Variants in OPHN1 observed in about 807,000 individuals in gnomAD.
OPHN1 encodes the protein oligophrenin-1.
A neutral mutation model predicts 60.7 loss-of-function variants in OPHN1; 11 were observed. That is an observed-to-expected ratio of 0.18 (90% CI 0.11 to 0.30). The LOEUF (loss-of-function observed/expected upper bound fraction) is 0.30. OPHN1 is among the 10% of genes least tolerant of loss of function. OPHN1 has a pLI of 1.00. For missense variants in OPHN1, 449 were observed against 611.0 expected (o/e 0.73, Z 2.80); for synonymous variants, 226 against 222.6 (o/e 1.02, Z -0.14).
At chrX:68,202,594 G>T (rs1476374751) in intron 10 of OPHN1, among the ~76,000 whole-genome samples, 1 of 110,116 alleles carries the variant, frequency 9.1e-6, no homozygotes, top group Non-Finnish European at 1.9e-5. Flanking sequence ...CCGCCTCCCG[G>T]GTTCAAGCGA....
At chrX:68,235,811 T>C (rs2077750348) in intron 5 of OPHN1, among the ~76,000 whole-genome samples, 1 of 110,190 alleles carries the variant, frequency 9.1e-6, no homozygotes, top group Non-Finnish European at 1.9e-5. Flanking sequence ...TGAGCCGAGA[T>C]TGTGCCACTG....
intron 2 of OPHN1, among the ~76,000 whole-genome samples, chrX:68,379,139 G>C (rs1225185665): frequency 9.0e-6 from 1 of 110,737 alleles, no homozygotes; most frequent in African/African-American, 3.3e-5. Context: ...TCCTTGAAGA[G>C]GTCCTTCACG....
chrX:68,080,060 G>C (rs1306261054), intron 19 of OPHN1, among the ~76,000 whole-genome samples: 2 of 111,912 alleles, frequency 1.8e-5, no homozygotes, highest in East Asian at 2.8e-4. Flanking sequence ...TGCAGGTAGA[G>C]TGATCTTTCT....
chrX:68,118,537 G>A (rs1249107959), intron 16 of OPHN1, among the ~76,000 whole-genome samples: 1 of 111,749 alleles, frequency 8.9e-6, no homozygotes, highest in African/African-American at 3.3e-5. Flanking sequence ...CACAATCATT[G>A]AAAAGAAGAG....
intron 5 of OPHN1, among the ~76,000 whole-genome samples, chrX:68,267,285 A>T (rs943365882): frequency 9.9e-5 from 11 of 111,266 alleles, no homozygotes; most frequent in African/African-American, 2.0e-4. Context: ...GAAGTAAAGC[A>T]CTCCTCAGCA....
chrX:68,095,081 T>C (rs1333690470), intron 19 of OPHN1, among the ~76,000 whole-genome samples: 1 of 111,963 alleles, frequency 8.9e-6, no homozygotes, highest in Non-Finnish European at 1.9e-5. Flanking sequence ...TTAATGTTCA[T>C]TACAATCTAA....
intron 5 of OPHN1, among the ~76,000 whole-genome samples, chrX:68,265,940 C>G (rs989510687): frequency 2.7e-5 from 3 of 110,633 alleles, no homozygotes; most frequent in Non-Finnish European, 5.7e-5. Flanking sequence ...GACGGAAGAT[C>G]AAATGAATGA....
At chrX:68,392,981 G>A (rs772570602) in intron 2 of OPHN1, among the ~76,000 whole-genome samples, 1 of 111,912 alleles carries the variant, frequency 8.9e-6, no homozygotes, top group African/African-American at 3.2e-5. Flanking sequence ...ACAGAAAGCT[G>A]TCACACTGGC....
intron 15 of OPHN1, among the ~76,000 whole-genome samples, chrX:68,120,196 TG>T (rs1178313347): frequency 9.0e-6 from 1 of 111,334 alleles, no homozygotes; most frequent in Non-Finnish European, 1.9e-5. Flanking sequence ...CCGTATCAAC[TG>T]GGCTCATATG....
At chrX:68,300,492 G>C (rs1181094159) in intron 2 of OPHN1, among the ~76,000 whole-genome samples, 1 of 112,164 alleles carries the variant, frequency 8.9e-6, no homozygotes, top group Non-Finnish European at 1.9e-5. Flanking sequence ...TTTTTACACA[G>C]ACCAGGTTAG....
At chrX:68,363,879 T>A (rs2078485853) in intron 2 of OPHN1, among the ~76,000 whole-genome samples, 2 of 111,175 alleles carry the variant, frequency 1.8e-5, no homozygotes, top group Non-Finnish European at 3.8e-5. Flanking sequence ...GAAATGAGAT[T>A]GGAAAAAAAG....
chrX:68,414,778 T>C (rs988848854), intron 2 of OPHN1, among the ~76,000 whole-genome samples: 2 of 111,529 alleles, frequency 1.8e-5, no homozygotes, highest in Non-Finnish European at 3.8e-5. Context: ...CTAAATGCCA[T>C]TGTGCTAAGC....
chrX:68,194,097 A>AT (rs2077500796), intron 13 of OPHN1, 145 bp from the exon 14 acceptor site: 2 of 519,653 alleles, frequency 3.8e-6, no homozygotes, highest in African/African-American at 2.3e-5. Flanking sequence ...GGAAAGAGTC[A>AT]TTTTTTCAGG....
intron 6 of OPHN1, among the ~76,000 whole-genome samples, chrX:68,225,122 T>C (rs896851323): frequency 1.4e-4 from 16 of 112,058 alleles, no homozygotes; most frequent in African/African-American, 3.2e-4. Context: ...CCTCTCTTAC[T>C]GCAAGCACAG....
Position 68,064,271 on chromosome X carries a change from G to T in OPHN1, c.1835-94C>A, listed in dbSNP as rs41303731. 0.097 allele frequency: 85,216 copies of T among 878,273 alleles called. 3,416 individuals are homozygous for T. Among genetic ancestry groups the T allele is most frequent in the Middle Eastern group, 0.18 (602 of 3,438 alleles). The allele number at this position is 878,273 out of a possible 1,213,427, so 72.4% of individuals were successfully genotyped here. A position where few individuals can be genotyped will look rare whatever the true frequency, so the allele number is the denominator to read the frequency against. ...CATACATACTTAATTTTGAAAATTT[G>T]TATACATTTTCAAAGCAGTTATGTC... On this transcript the variant is annotated intron_variant, in intron 20 of 24. Coordinates refer to ENST00000355520, the MANE Select transcript of OPHN1 (RefSeq NM_002547.3).
chrX:68,097,761 T>C (rs185475462), intron 18 of OPHN1, among the ~76,000 whole-genome samples: 32 of 111,124 alleles, frequency 2.9e-4, no homozygotes, highest in Admixed American at 5.7e-4. Context: ...CCCTACTCAC[T>C]GCTTAGGCTC....
At chrX:68,425,812 CTTTTTTTTT>C (rs1188011531) in intron 2 of OPHN1, among the ~76,000 whole-genome samples, 8 of 38,647 alleles carry the variant, frequency 2.1e-4, no homozygotes, top group Admixed American at 2.1e-3. Context: ...GGACTGGATT[CTTTTTTTTT>C]TTTTTTTTTT....
At position 68,274,740 on chromosome X, in the gene OPHN1, T is replaced by G; in HGVS notation, c.382A>C (p.Lys128Gln). ...TTATGCATATACAGAAAATGTACCT[T>G]GGTGAAGCCTATTTGTTCCTTCCGG... The part of the protein sequence containing the change: ...NFRKEQIGFT[K>Q]ERKKKFEKDG... Residue 128 changes from lysine (K) to glutamine (Q), a missense_variant and splice_region_variant, in exon 5 of 25, where the codon AAG becomes CAG. Lys to Gln is a moderately conservative substitution (Grantham distance 53). Around this residue, in one of 4 missense-constraint regions of OPHN1, gnomAD observed 99 missense variants for 155.2 expected, o/e 0.64. Coordinates refer to ENST00000355520, the MANE Select transcript of OPHN1 (RefSeq NM_002547.3). The G allele has an allele frequency of 8.4e-7, 1 of 1,190,635 alleles. No individual in the cohort carries two copies. The highest frequency in any genetic ancestry group is 1.7e-5 in the African/African-American group (1 of 57,457).
intron 2 of OPHN1, among the ~76,000 whole-genome samples, chrX:68,324,648 A>T (rs2078251385): frequency 1.8e-5 from 2 of 109,405 alleles, no homozygotes; most frequent in African/African-American, 6.6e-5. Context: ...AAAAATAAAT[A>T]ATAATTAGAA....
Sources: allele counts gnomAD v4.1 joint callset (sites outside exome capture counted in the v4.1 genomes callset), GRCh38; gene constraint gnomAD v4.1.1; regional missense constraint gnomAD v4.1.1; transcripts MANE v1.5; gene names NCBI Gene and HGNC (gene_info 2026-07-23, HGNC 2026-07-21).